Variants in SLC5A11 observed in about 807,000 individuals in gnomAD.
The protein encoded by SLC5A11 is solute carrier family 5 member 11, also known as sodium/myo-inositol cotransporter 2.
A neutral mutation model predicts 69.8 loss-of-function variants in SLC5A11; 48 were observed. The ratio of observed to expected loss-of-function variants is 0.69; its 90% confidence interval spans 0.55 to 0.87. SLC5A11 has a LOEUF of 0.87. SLC5A11 is among the 40% of genes least tolerant of loss of function. The pLI, the probability that SLC5A11 is intolerant of heterozygous loss-of-function variation, is 0.00. For synonymous variants in SLC5A11, 319 were observed against 342.4 expected (o/e 0.93, Z 0.75); for missense variants, 784 against 866.1 (o/e 0.91, Z 1.19).
intron 3 of SLC5A11, 47 bp from the exon 5 acceptor site, chr16:24,869,854 T>C (rs758206527): frequency 2.2e-6 from 3 of 1,371,220 alleles, no homozygotes; most frequent in Non-Finnish European, 3.1e-6. Flanking sequence ...GGGGAGCAGG[T>C]ACCCTTGACT....
chr16:24,896,059 C>CTT lies in SLC5A11; in HGVS notation c.871-1902_871-1901dup, dbSNP rs11378871. The stretch of plus-strand genomic sequence containing the variant: ...AAAATTGTTTAAGGATAAAAAGGCT[C>CTT]TTTTTTTTTTTTTTCTGGGCGTGGT... On this transcript the variant is annotated intron_variant, in intron 9 of 15. Transcript: ENST00000347898. 5.2e-3 allele frequency among the ~76,000 whole-genome samples: 754 copies of CTT among 144,538 alleles called. 7 individuals carry two copies. Among genetic ancestry groups the CTT allele is most frequent in the East Asian group, 8.7e-3 (43 of 4,916 alleles). The allele number at this position is 144,538 out of a possible 152,430, so 94.8% of individuals were successfully genotyped here.
chr16:24,892,270 A>G (rs1475477042), intron 9 of SLC5A11, among the ~76,000 whole-genome samples: 1 of 151,926 alleles, frequency 6.6e-6, no homozygotes, highest in Non-Finnish European at 1.5e-5. Flanking sequence ...GGTATCATTC[A>G]GAAGTGACCT....
rs1172595123 is a variant in SLC5A11 at position 24,870,029 on chromosome 16, G to A, written c.312+24G>A. 8 of 1,509,762 alleles carry A rather than the reference G, an allele frequency of 5.3e-6. No homozygotes were observed. The East Asian group carries it at 1.8e-4, about 34-fold the overall frequency. The allele number at this position is 1,509,762 out of a possible 1,614,324, so 93.5% of individuals were successfully genotyped here. A position where few individuals can be genotyped will look rare whatever the true frequency, so the allele number is the denominator to read the frequency against. ...ATGTAAGTATTTTACCTAGGGCATA[G>A]ATGACATCTTACCTCTACCTAACAG... On this transcript the variant is annotated intron_variant, in intron 4 of 15. Coordinates refer to ENST00000347898, the Ensembl canonical transcript of SLC5A11.
At chr16:24,858,926 A>C (rs2059648622) in intron 2 of SLC5A11, 148 bp downstream of exon 3, 1 of 991,604 alleles carries the variant, frequency 1.0e-6, no homozygotes, top group African/African-American at 1.6e-5. Flanking sequence ...AGAACTTAAA[A>C]ATTTTAAACA....
chr16:24,888,783 C>CTTTTTTTT (rs1169015317), intron 8 of SLC5A11, among the ~76,000 whole-genome samples: 2 of 45,756 alleles, frequency 4.4e-5, no homozygotes, highest in African/African-American at 7.7e-5. Flanking sequence ...CGTGCCTGTC[C>CTTTTTTTT]TTTTTTTTTT....
intron 7 of SLC5A11, among the ~76,000 whole-genome samples, chr16:24,877,829 C>G (rs753906183): frequency 6.6e-6 from 1 of 152,166 alleles, no homozygotes; most frequent in Non-Finnish European, 1.5e-5. Flanking sequence ...ACTAAAAATA[C>G]AAAAATTAGC....
chr16:24,882,838 G>T (rs1270950815), intron 7 of SLC5A11, among the ~76,000 whole-genome samples: 1 of 152,026 alleles, frequency 6.6e-6, no homozygotes, highest in African/African-American at 2.4e-5. Flanking sequence ...TAGGGACAAG[G>T]TTTCACCATG....
intron 10 of SLC5A11, among the ~76,000 whole-genome samples, chr16:24,905,636 G>GCACA (rs1223989800): frequency 1.3e-5 from 1 of 78,204 alleles, no homozygotes; most frequent in Non-Finnish European, 3.0e-5. Flanking sequence ...ACACGCGCGC[G>GCACA]CGCGCACACA....
At chr16:24,877,181 A>C (rs2152320860) in intron 6 of SLC5A11, 77 bp from the exon 8 acceptor site, 2 of 1,582,274 alleles carry the variant, frequency 1.3e-6, no homozygotes, top group South Asian at 1.2e-5. Flanking sequence ...CCCTGATCCC[A>C]GGGAACCTGT....
intron 2 of SLC5A11, among the ~76,000 whole-genome samples, chr16:24,861,820 AAAAATT>A (rs1567584394): frequency 2.0e-5 from 3 of 149,848 alleles, no homozygotes; most frequent in South Asian, 2.2e-4. Flanking sequence ...AAAAGAAAGA[AAAAATT>A]AATCACCAAT....
At chr16:24,911,192 A>T in intron 15 of SLC5A11, 136 bp from the exon 17 acceptor site, 3 of 668,454 alleles carry the variant, frequency 4.5e-6, no homozygotes, top group Non-Finnish European at 5.0e-6. Context: ...AAAAAGGGAG[A>T]TTTCAGTCGG....
intron 3 of SLC5A11, among the ~76,000 whole-genome samples, chr16:24,866,414 C>T (rs1320649873): frequency 1.3e-5 from 2 of 151,568 alleles, no homozygotes; most frequent in Non-Finnish European, 2.9e-5. Context: ...GCCTGGGTAA[C>T]ATGGTGAAAC....
At chr16:24,895,878 C>G (rs1404531217) in intron 9 of SLC5A11, among the ~76,000 whole-genome samples, 1 of 152,124 alleles carries the variant, frequency 6.6e-6, no homozygotes, top group Admixed American at 6.5e-5. Flanking sequence ...AAATACCGCC[C>G]AAGGTGACAT....
intron 1 of SLC5A11, among the ~76,000 whole-genome samples, chr16:24,855,516 T>C (rs1405375485): frequency 6.6e-6 from 1 of 151,308 alleles, no homozygotes; most frequent in Non-Finnish European, 1.5e-5. Context: ...CAGGAGGATC[T>C]CTTGAGCCTA....
At chr16:24,910,645 G>A (rs2050451189) in intron 15 of SLC5A11, among the ~76,000 whole-genome samples, 168 bp downstream of exon 16, 1 of 152,014 alleles carries the variant, frequency 6.6e-6, no homozygotes, top group South Asian at 2.1e-4. Flanking sequence ...CATGGGAAAG[G>A]AGTTTTTAGT....
At chr16:24,888,788 T>A (rs1231667086) in intron 8 of SLC5A11, among the ~76,000 whole-genome samples, 6 of 107,732 alleles carry the variant, frequency 5.6e-5, no homozygotes, top group African/African-American at 2.3e-4. Context: ...CTGTCCTTTT[T>A]TTTTTTTTTT....
At chr16:24,869,995 A>G (rs2047170903) in exon 4 of SLC5A11, 6 of 1,611,138 alleles carry the variant, frequency 3.7e-6, no homozygotes, top group Non-Finnish European at 5.1e-6. Context: ...GTATCAGCTT[A>G]TGAACTTAAT....
chr16:24,885,105 G>A (rs781577068), intron 8 of SLC5A11, among the ~76,000 whole-genome samples: 8 of 151,930 alleles, frequency 5.3e-5, no homozygotes, highest in Non-Finnish European at 8.8e-5. Flanking sequence ...CAAAATATTC[G>A]CCCAATTCTT....
intron 3 of SLC5A11, among the ~76,000 whole-genome samples, chr16:24,865,417 C>T (rs571834663): frequency 6.6e-6 from 1 of 152,170 alleles, no homozygotes; most frequent in South Asian, 2.1e-4. Context: ...ATTAGCTGGG[C>T]GTAGTGGTTC....
Sources: allele counts gnomAD v4.1 joint callset (sites outside exome capture counted in the v4.1 genomes callset), GRCh38; gene constraint gnomAD v4.1.1; transcripts MANE v1.5; gene names NCBI Gene and HGNC (gene_info 2026-07-23, HGNC 2026-07-21).